CLEC3A: variants seen among roughly 807,000 people sequenced by gnomAD.
The protein encoded by CLEC3A is C-type (calcium dependent, carbohydrate-recognition domain) lectin, superfamily member 1 (cartilage-derived).
Under a neutral mutation model 20.4 loss-of-function variants are expected in CLEC3A, and 28 were observed. That is an observed-to-expected ratio of 1.37 (90% CI 1.02 to 1.88). The LOEUF is 1.88. Ranked by LOEUF, CLEC3A falls within the 40% of genes most tolerant of loss-of-function variation. CLEC3A has a pLI of 0.00. For missense variants in CLEC3A, 357 were observed against 240.4 expected (o/e 1.48, Z -3.21); for synonymous variants, 110 against 88.1 (o/e 1.25, Z -1.39).
intron 2 of CLEC3A, 117 bp from the exon 3 acceptor site, chr16:78,030,330 T>C (rs1483629403): frequency 1.1e-6 from 1 of 924,946 alleles, no homozygotes; most frequent in Non-Finnish European, 1.6e-6. Context: ...ATTTTAACTG[T>C]TGTCTCATCA....
At chr16:78,028,248 C>T in intron 2 of CLEC3A, 58 bp downstream of exon 2, 1 of 1,300,520 alleles carries the variant, frequency 7.7e-7, no homozygotes. Context: ...ATTTCTGGGT[C>T]AATTTCTGGG....
chr16:78,026,058 A>C (rs562374133), intron 1 of CLEC3A, among the ~76,000 whole-genome samples: 1 of 152,314 alleles, frequency 6.6e-6, no homozygotes, highest in Non-Finnish European at 1.5e-5. Context: ...ATGAATTTGC[A>C]TTCTGAATGC....
Position 78,031,269 on chromosome 16 carries a change from G to T in CLEC3A, c.*428G>T. The T allele has an allele frequency of 6.3e-6, 1 of 158,602 alleles. No individual in the cohort carries two copies. Among genetic ancestry groups the T allele is most frequent in the Non-Finnish European group, 1.4e-5 (1 of 72,348 alleles). The allele number at this position is 158,602 out of a possible 1,614,324, so 9.8% of individuals were successfully genotyped here. The stretch of plus-strand genomic sequence containing the variant: ...ATTCCCTACATCAGAGACTCTAGGT[G>T]CTATATAATCCAAAAACTTTTCAGC... On this transcript the variant is annotated 3_prime_UTR_variant, in exon 3 of 3. Coordinates refer to ENST00000299642, the MANE Select transcript of CLEC3A (RefSeq NM_005752.6).
Position 78,031,412 on chromosome 16 carries a change from C to G in CLEC3A, c.*571C>G, listed in dbSNP as rs2030103710. Reference sequence around the variant, plus strand: ...TTGTCTGCCATATCAGAACACAAACCCCTGAAGAGGTTCTGATTTGATTTT... The same window carrying G: ...TTGTCTGCCATATCAGAACACAAACGCCTGAAGAGGTTCTGATTTGATTTT... On this transcript the variant is annotated 3_prime_UTR_variant, in exon 3 of 3. Coordinates refer to ENST00000299642, the MANE Select transcript of CLEC3A (RefSeq NM_005752.6). 1 of 152,128 alleles carries G rather than the reference C, an allele frequency of 6.6e-6. No homozygotes were observed. Among genetic ancestry groups the G allele is most frequent in the Admixed American group, 6.5e-5 (1 of 15,272 alleles). 9.4% of individuals were successfully genotyped at this position (152,128 alleles called of 1,614,324 possible). A position where few individuals can be genotyped will look rare whatever the true frequency, so the allele number is the denominator to read the frequency against.
At position 78,022,995 on chromosome 16, in the gene CLEC3A, A is replaced by G. The variant is rs116952496; in HGVS notation, c.115+254A>G. 4.7e-4 allele frequency among the ~76,000 whole-genome samples: 72 copies of G among 152,306 alleles called. 1 individual carries two copies. The East Asian group carries it at 7.3e-3, about 16-fold the overall frequency. ...TGATAGTAAAAGAATTCTGTGTTGT[A>G]TATTTTTTGTTAGGTGGGCTTAAAT... is the stretch of plus-strand genomic sequence containing the variant. On this transcript the variant is annotated intron_variant, in intron 1 of 2. Transcript: ENST00000299642.
In CLEC3A at chr16:78,022,698, A is replaced by G. The variant is rs1282045685; in HGVS notation, c.72A>G (p.Thr24=). 6.2e-7 allele frequency: 1 copy of G among 1,614,044 alleles called. No individual in the cohort carries two copies. Among genetic ancestry groups the G allele is most frequent in the African/African-American group, 1.3e-5 (1 of 74,916 alleles). Residue 24 remains threonine, a synonymous_variant, in exon 1 of 3, where the codon ACA becomes ACG. Transcript: ENST00000299642. The stretch of plus-strand genomic sequence containing the variant: ...TCCTGGACCAGACCACCAGCCACAC[A>G]TCCAGATTAAAAGCCAGGAAGCACA... The part of the protein sequence containing the change: ...TLLLDQTTSH[T]SRLKARKHSK...
Position 78,022,590 on chromosome 16 carries a change from G to A in CLEC3A, c.-37G>A. The A allele has an allele frequency of 6.2e-7, 1 of 1,610,640 alleles. No individual in the cohort carries two copies. Among genetic ancestry groups the A allele is most frequent in the Non-Finnish European group, 8.5e-7 (1 of 1,178,492 alleles). On this transcript the variant is annotated 5_prime_UTR_variant, in exon 1 of 3. Coordinates refer to ENST00000299642, the MANE Select transcript of CLEC3A (RefSeq NM_005752.6). ...TCTCCTTCCATAGCTGCTCTAAGGGGGCTGGCAACATGGCTCAGCAGGCTT... is the reference window on the plus strand; with the variant it reads ...TCTCCTTCCATAGCTGCTCTAAGGGAGCTGGCAACATGGCTCAGCAGGCTT...
At chr16:78,026,410 G>T (rs766088578) in intron 1 of CLEC3A, among the ~76,000 whole-genome samples, 1 of 152,154 alleles carries the variant, frequency 6.6e-6, no homozygotes, top group Non-Finnish European at 1.5e-5. Context: ...TCTGTCTGGG[G>T]CCATGTGCTC....
intron 2 of CLEC3A, among the ~76,000 whole-genome samples, chr16:78,030,095 G>A (rs540693378): frequency 2.7e-5 from 4 of 147,996 alleles, no homozygotes; most frequent in Non-Finnish European, 5.9e-5. Flanking sequence ...GGAGCTTGCA[G>A]TGAGCCGAGA....
Position 78,028,090 on chromosome 16 carries a change from C to G in CLEC3A, c.116-17C>G, listed in dbSNP as rs956542384. ...TTTTCATCCACCTACCCCATCCCAC[C>G]CTAAAATTTTCCCCAGACAAGGATG... On this transcript the variant is annotated splice_polypyrimidine_tract_variant and intron_variant, in intron 1 of 2. Transcript: ENST00000299642. The G allele has an allele frequency of 5.0e-6, 8 of 1,586,646 alleles. No individual in the cohort carries two copies. In the African/African-American group the frequency reaches 5.4e-5, roughly 11 times the overall value.
chr16:78,022,838 T>C (rs1440683362), intron 1 of CLEC3A, 97 bp downstream of exon 1: 3 of 1,282,290 alleles, frequency 2.3e-6, no homozygotes, highest in Non-Finnish European at 3.3e-6. Flanking sequence ...GAGACTATCT[T>C]CGGTGATGGC....
At position 78,031,092 on chromosome 16, in the gene CLEC3A, A is replaced by G. The variant is rs1301857738; in HGVS notation, c.*251A>G. The stretch of plus-strand genomic sequence containing the variant: ...TAAAATGGCTTCTGCTAAACAGACT[A>G]AAATCTTTCTCTCTAGTCTTTCTCA... On this transcript the variant is annotated 3_prime_UTR_variant, in exon 3 of 3. Transcript: ENST00000299642. 2 of 386,222 alleles carry G rather than the reference A, an allele frequency of 5.2e-6. No individual in the cohort carries two copies. Among genetic ancestry groups the G allele is most frequent in the African/African-American group, 2.1e-5 (1 of 48,094 alleles). The allele number at this position is 386,222 out of a possible 1,614,324, so 23.9% of individuals were successfully genotyped here.
At chr16:78,023,721 C>T (rs1416271231) in intron 1 of CLEC3A, among the ~76,000 whole-genome samples, 2 of 149,754 alleles carry the variant, frequency 1.3e-5, no homozygotes, top group Non-Finnish European at 3.0e-5. Flanking sequence ...TTTTCAGGGA[C>T]ATTTATTTAC....
chr16:78,029,468 G>C (rs374211025), intron 2 of CLEC3A, among the ~76,000 whole-genome samples: 12 of 152,012 alleles, frequency 7.9e-5, no homozygotes, highest in African/African-American at 2.9e-4. Flanking sequence ...TCCCAGGTTC[G>C]CACGATTCTC....
intron 2 of CLEC3A, chr16:78,029,266 G>T: frequency 2.8e-6 from 1 of 362,632 alleles, no homozygotes; most frequent in Admixed American, 3.7e-5. Flanking sequence ...CTATCTTTAT[G>T]CTCAGTTTAT....
intron 2 of CLEC3A, among the ~76,000 whole-genome samples, chr16:78,029,503 G>C (rs973602050): frequency 2.0e-5 from 3 of 151,982 alleles, no homozygotes; most frequent in East Asian, 3.9e-4. Context: ...TGAGTAGCTG[G>C]GATTATAGGC....
rs147012103 is a variant in CLEC3A at position 78,030,658 on chromosome 16, G to A, written c.411G>A (p.Thr137=). 1.6e-3 allele frequency: 2,521 copies of A among 1,614,074 alleles called. 45 individuals are homozygous for A. The South Asian group carries it at 0.025, about 16-fold the overall frequency. ...DFWLGINDMV[T]EGKFVDVNGI... is the part of the protein sequence containing the mutation. The stretch of plus-strand genomic sequence containing the variant: ...GGCTGGGCATCAATGACATGGTCAC[G>A]GAAGGCAAGTTTGTTGACGTCAACG... Residue 137 remains threonine (T), a synonymous_variant, in exon 3 of 3, where the codon ACG becomes ACA. Transcript: ENST00000299642.
chr16:78,027,325 G>C (rs1235824582), intron 1 of CLEC3A, among the ~76,000 whole-genome samples: 5 of 152,194 alleles, frequency 3.3e-5, no homozygotes, highest in African/African-American at 7.2e-5. Context: ...AGACAGATTA[G>C]CAGAAGGGAT....
At position 78,028,162 on chromosome 16, in the gene CLEC3A, C is replaced by G; in HGVS notation, c.171C>G (p.Ala57=). 9.9e-6 allele frequency: 16 copies of G among 1,610,632 alleles called. No individual in the cohort carries two copies. The highest frequency in any genetic ancestry group is 1.4e-5 in the Non-Finnish European group (16 of 1,179,168). Residue 57 remains alanine (A), a synonymous_variant, in exon 2 of 3, where the codon GCC becomes GCG. Coordinates refer to ENST00000299642, the MANE Select transcript of CLEC3A (RefSeq NM_005752.6). The part of the protein sequence containing the change: ...QIEKLWTEVN[A]LKEIQALQTV... ...AAAAGCTCTGGACAGAAGTCAATGC[C>G]TTGAAGGAAATTCAAGCCCTGCAGA...
Sources: allele counts gnomAD v4.1 joint callset (sites outside exome capture counted in the v4.1 genomes callset), GRCh38; gene constraint gnomAD v4.1.1; transcripts MANE v1.5; gene names NCBI Gene and HGNC (gene_info 2026-07-23, HGNC 2026-07-21).